SOX5: variants seen among roughly 807,000 people sequenced by gnomAD.
The protein encoded by SOX5 is transcription factor SOX-5.
Under a neutral mutation model 92.0 loss-of-function variants are expected in SOX5, and 9 were observed. The observed-to-expected ratio is 0.10, with a 90% CI of 0.06 to 0.17. The LOEUF (loss-of-function observed/expected upper bound fraction) is 0.17. SOX5 is among the 10% of genes least tolerant of loss of function. SOX5 has a pLI of 1.00. For missense variants in SOX5, 642 were observed against 944.5 expected (o/e 0.68, Z 4.20); for synonymous variants, 344 against 336.3 (o/e 1.02, Z -0.25).
chr12:23,677,622 T>A (rs1448154406), intron 6 of SOX5, among the ~76,000 whole-genome samples: 1 of 152,172 alleles, frequency 6.6e-6, no homozygotes. Context: ...AATAGCTGCA[T>A]CCTTAAACTC....
intron 4 of SOX5, among the ~76,000 whole-genome samples, chr12:24,134,647 C>G (rs1054160509): frequency 3.3e-5 from 5 of 152,138 alleles, no homozygotes; most frequent in African/African-American, 1.2e-4. Context: ...AAAATGTTCT[C>G]AGCACATCTC....
chr12:24,497,263 A>AG (rs1478384787), intron 1 of SOX5, among the ~76,000 whole-genome samples: 14 of 152,330 alleles, frequency 9.2e-5, no homozygotes, highest in Admixed American at 7.2e-4. Flanking sequence ...AATGGCTACA[A>AG]GGGGAAAAAA....
At chr12:24,295,499 A>G (rs1008550429) in intron 2 of SOX5, among the ~76,000 whole-genome samples, 6 of 152,190 alleles carry the variant, frequency 3.9e-5, no homozygotes, top group South Asian at 2.1e-4. Flanking sequence ...CTTGCTCTGA[A>G]TTATTTGTGC....
chr12:23,579,453 C>T (rs536504234), intron 9 of SOX5, among the ~76,000 whole-genome samples: 25 of 152,092 alleles, frequency 1.6e-4, no homozygotes, highest in Middle Eastern at 3.4e-3. Flanking sequence ...GATATTATTT[C>T]GCAATTTTGT....
intron 4 of SOX5, among the ~76,000 whole-genome samples, chr12:24,086,986 A>T (rs2137700880): frequency 6.6e-6 from 1 of 152,242 alleles, no homozygotes; most frequent in Admixed American, 6.6e-5. Context: ...TTAAACAAAA[A>T]TGGCATACAC....
intron 1 of SOX5, among the ~76,000 whole-genome samples, chr12:24,481,232 A>G (rs1945954887): frequency 6.6e-6 from 1 of 152,070 alleles, no homozygotes; most frequent in Admixed American, 6.6e-5. Flanking sequence ...GGAGATAAAG[A>G]GTAGAAGGAT....
At chr12:24,432,630 G>C (rs1938581987) in intron 1 of SOX5, among the ~76,000 whole-genome samples, 1 of 152,048 alleles carries the variant, frequency 6.6e-6, no homozygotes, top group Non-Finnish European at 1.5e-5. Context: ...TGGCCAACAT[G>C]ATGAAACCCT....
chr12:24,217,567 A>T (rs1035423032), intron 3 of SOX5, among the ~76,000 whole-genome samples: 6 of 152,234 alleles, frequency 3.9e-5, no homozygotes, highest in African/African-American at 1.2e-4. Context: ...AATATTCATG[A>T]CCTTGGGTTT....
chr12:23,885,075 G>T (rs566989743), intron 2 of SOX5, among the ~76,000 whole-genome samples: 1 of 152,106 alleles, frequency 6.6e-6, no homozygotes, highest in African/African-American at 2.4e-5. Flanking sequence ...GTCCCTAGCG[G>T]TGCAAAGCAT....
intron 4 of SOX5, among the ~76,000 whole-genome samples, chr12:24,092,075 A>G (rs970686382): frequency 6.6e-6 from 1 of 152,166 alleles, no homozygotes; most frequent in African/African-American, 2.4e-5. Context: ...AGCCAAATTG[A>G]ACTCCTTATA....
intron 1 of SOX5, among the ~76,000 whole-genome samples, chr12:24,467,857 A>G (rs4403889): frequency 0.63 from 95,599 of 152,064 alleles, 30,995 homozygotes; most frequent in East Asian, 0.98. Context: ...GGCCATATGA[A>G]GCAACAGCAT....
chr12:24,321,436 TCAAA>T (rs1209108123), intron 2 of SOX5, among the ~76,000 whole-genome samples: 1 of 152,254 alleles, frequency 6.6e-6, no homozygotes, highest in Admixed American at 6.5e-5. Flanking sequence ...TGGTATCTTC[TCAAA>T]CATTTAACAT....
intron 1 of SOX5, among the ~76,000 whole-genome samples, chr12:24,509,899 G>A (rs1430040681): frequency 1.3e-5 from 2 of 152,140 alleles, no homozygotes; most frequent in Non-Finnish European, 2.9e-5. Flanking sequence ...TCTATTTACA[G>A]TCATAAAGTC....
chr12:24,378,464 G>C (rs1957506402), intron 1 of SOX5, among the ~76,000 whole-genome samples: 1 of 152,204 alleles, frequency 6.6e-6, no homozygotes, highest in South Asian at 2.1e-4. Flanking sequence ...GAGAGAACAA[G>C]TTCCCCTAGC....
intron 1 of SOX5, among the ~76,000 whole-genome samples, chr12:24,464,363 C>T (rs1016052032): frequency 5.6e-4 from 85 of 151,566 alleles, no homozygotes; most frequent in African/African-American, 2.0e-3. Context: ...CACTCTGTCA[C>T]CCAGGCTGAA....
chr12:23,866,551 A>C (rs1465966097), intron 2 of SOX5, among the ~76,000 whole-genome samples: 1 of 152,148 alleles, frequency 6.6e-6, no homozygotes, highest in Non-Finnish European at 1.5e-5. Flanking sequence ...GTCCATTGCC[A>C]TTTCATATCC....
chr12:24,173,122 CCT>C (rs1954386382), intron 4 of SOX5, among the ~76,000 whole-genome samples: 1 of 152,184 alleles, frequency 6.6e-6, no homozygotes, highest in African/African-American at 2.4e-5. Context: ...GTGCCATCTT[CCT>C]CTCCTTTCAC....
intron 7 of SOX5, among the ~76,000 whole-genome samples, chr12:23,651,991 C>G (rs1446774827): frequency 6.6e-6 from 1 of 151,800 alleles, no homozygotes; most frequent in Non-Finnish European, 1.5e-5. Flanking sequence ...CAATTACCTC[C>G]TATCCTAAAA....
chr12:24,072,919 A>T (rs1425068947), intron 4 of SOX5, among the ~76,000 whole-genome samples: 1 of 152,230 alleles, frequency 6.6e-6, no homozygotes, highest in Non-Finnish European at 1.5e-5. Flanking sequence ...GAAAACATAG[A>T]TAAGTCACAG....
Sources: gnomAD v4.1 joint callset for allele counts (sites outside exome capture counted in the v4.1 genomes callset) on GRCh38, gnomAD v4.1.1 for gene constraint, MANE v1.5 for transcripts, NCBI Gene and HGNC (gene_info 2026-07-23, HGNC 2026-07-21) for gene names.